The following SEMA4D variants were observed in gnomAD, a reference collection of about 807,000 sequenced individuals.
SEMA4D encodes the protein semaphorin-4D.
SEMA4D carries 22 observed loss-of-function variants against 74.8 expected under a neutral mutation model. That is an observed-to-expected ratio of 0.29 (90% confidence interval 0.21 to 0.42). The LOEUF is 0.42. Among genes scored for constraint, SEMA4D ranks in the 10% least tolerant of loss-of-function variants. SEMA4D has a pLI of 1.00. For synonymous variants in SEMA4D, 445 were observed against 463.7 expected, an observed-to-expected ratio of 0.96 and a Z score of 0.52; for missense variants, 937 against 1,118.4, an observed-to-expected ratio of 0.84 and a Z score of 2.31.
rs533365444 is a variant in SEMA4D at position 89,438,178 on chromosome 9, C to T, written c.-244+17710G>A. Among the ~76,000 whole-genome samples, 12 of 152,362 alleles carry T rather than the reference C, an allele frequency of 7.9e-5. No individual in the cohort carries two copies. The South Asian group carries it at 8.3e-4, about 11-fold the overall frequency. ...CACTGTAGAGAATACTCAAGCCAAG[C>T]GCCCTGCTTCTCTCCTGGGAGCCTT... On this transcript the variant is annotated intron_variant, in intron 2 of 15. Coordinates refer to ENST00000422704, the MANE Select transcript of SEMA4D (RefSeq NM_001371194.2).
intron 2 of SEMA4D, among the ~76,000 whole-genome samples, chr9:89,451,113 C>G (rs1854397131): frequency 6.6e-6 from 1 of 152,178 alleles, no homozygotes. Flanking sequence ...TAGCCACCAC[C>G]ACTGAAAACT....
chr9:89,385,386 G>C (rs186347884), intron 13 of SEMA4D: 1 of 985,322 alleles, frequency 1.0e-6, no homozygotes, highest in African/African-American at 1.7e-5. Context: ...GATGGCCCCA[G>C]AAGAGCTTCT....
intron 1 of SEMA4D, chr9:89,497,517 G>C (rs1288345972): frequency 6.6e-6 from 1 of 151,844 alleles, no homozygotes; most frequent in Admixed American, 6.6e-5. Context: ...GGGCCGGGGC[G>C]CGACGGGGCC....
Position 89,492,361 on chromosome 9 carries a change from G to A in SEMA4D, c.-310+5558C>T, listed in dbSNP as rs1340110808. ...GTTTCTTGTTCCAGGCTCAGTCCTC[G>A]GACCTCTTCTCTTTTCCATCTACCT... On this transcript the variant is annotated intron_variant, in intron 1 of 15. Transcript: ENST00000422704. The surrounding 1 kb of genome is among the most constrained non-coding windows in gnomAD (Gnocchi z 4.3). Among the ~76,000 whole-genome samples, 1 of 151,976 alleles carries A rather than the reference G, an allele frequency of 6.6e-6. No homozygotes were observed. The highest frequency in any genetic ancestry group is 1.5e-5 in the Non-Finnish European group (1 of 68,004).
At chr9:89,423,042 T>C (rs1847302172) in intron 2 of SEMA4D, among the ~76,000 whole-genome samples, 1 of 152,226 alleles carries the variant, frequency 6.6e-6, no homozygotes, top group Non-Finnish European at 1.5e-5. Context: ...CAGGTTTGCT[T>C]CCTTTAACTG....
At chr9:89,387,828 G>A (rs558313109) in intron 11 of SEMA4D, among the ~76,000 whole-genome samples, 3 of 152,338 alleles carry the variant, frequency 2.0e-5, no homozygotes, top group Admixed American at 2.0e-4. Flanking sequence ...AGACAGAATT[G>A]CATTCACGAT....
intron 2 of SEMA4D, among the ~76,000 whole-genome samples, chr9:89,443,689 G>A (rs1852187417): frequency 6.6e-6 from 1 of 152,202 alleles, no homozygotes; most frequent in African/African-American, 2.4e-5. Flanking sequence ...TCCTGGCTGT[G>A]AGTCCTGTAT....
At chr9:89,376,214 A>G (rs1317053751), downstream of SEMA4D, among the ~76,000 whole-genome samples, 5 of 152,238 alleles carry the variant, frequency 3.3e-5, no homozygotes, top group Non-Finnish European at 5.9e-5. Context: ...AATACCACGT[A>G]TATCAACCTC....
chr9:89,363,480 C>G (rs1166094518), exon 18 of SEMA4D: 5 of 1,613,960 alleles, frequency 3.1e-6, no homozygotes, highest in Non-Finnish European at 4.2e-6. Context: ...CCAGCCACAG[C>G]CCTCCAGGCA....
intron 2 of SEMA4D, among the ~76,000 whole-genome samples, chr9:89,453,463 C>T (rs78814120): frequency 0.01 from 1,531 of 152,360 alleles, 17 homozygotes; most frequent in Middle Eastern, 0.017. Context: ...TCTCTGAGGA[C>T]GCAGAGCCCT....
At chr9:89,450,411 G>T in intron 2 of SEMA4D, 1 of 1,269,348 alleles carries the variant, frequency 7.9e-7, no homozygotes, top group South Asian at 1.2e-5. Context: ...AGCATGTGAA[G>T]ATGAGAAGAA....
rs565177499 is a variant in SEMA4D, at chr9:89,428,770, C to T, written c.-243-23071G>A. On this transcript the variant is annotated intron_variant, in intron 2 of 15. Coordinates refer to ENST00000422704, the MANE Select transcript of SEMA4D (RefSeq NM_001371194.2). ...TCCAGGGGCAGGGTGACAGACATCC[C>T]CCAGAAGAGCAAAAAACCAGATCCC... Among the ~76,000 whole-genome samples, 3 of 152,362 alleles carry T rather than the reference C, an allele frequency of 2.0e-5. 1 individual carries two copies. In the South Asian group the frequency reaches 6.2e-4, roughly 32 times the overall value.
intron 16 of SEMA4D, among the ~76,000 whole-genome samples, chr9:89,371,291 GGTGT>G (rs1221689197): frequency 5.2e-5 from 7 of 134,376 alleles, no homozygotes; most frequent in African/African-American, 2.0e-4. Context: ...GGTGTGTGAC[GGTGT>G]GTGTGTCTGG....
intron 13 of SEMA4D, among the ~76,000 whole-genome samples, chr9:89,382,040 A>AG (rs374341736): frequency 6.6e-6 from 1 of 152,234 alleles, no homozygotes; most frequent in African/African-American, 2.4e-5. Context: ...CCCACAGCAG[A>AG]GGGCAGGTGA....
chr9:89,456,455 T>C (rs1042958790), intron 1 of SEMA4D, among the ~76,000 whole-genome samples: 1 of 152,194 alleles, frequency 6.6e-6, no homozygotes, highest in Non-Finnish European at 1.5e-5. Flanking sequence ...GTGCTAGCAT[T>C]CAATATTCCA....
chr9:89,452,111 C>A (rs1359059101), intron 2 of SEMA4D, among the ~76,000 whole-genome samples: 2 of 151,936 alleles, frequency 1.3e-5, no homozygotes, highest in Non-Finnish European at 1.5e-5. Context: ...CCCTTGGCCA[C>A]CGGCCCCTCC....
chr9:89,488,936 C>T (rs976213634), intron 1 of SEMA4D, among the ~76,000 whole-genome samples: 1 of 152,200 alleles, frequency 6.6e-6, no homozygotes. Context: ...AGAACACCTA[C>T]AACTCACATA....
At chr9:89,367,733 G>C (rs1281005793) in intron 16 of SEMA4D, 1 of 152,268 alleles carries the variant, frequency 6.6e-6, no homozygotes, top group East Asian at 1.9e-4. Flanking sequence ...TTCTCCTACA[G>C]CTAGGACTGT....
At chr9:89,418,150 A>G in intron 2 of SEMA4D, 1 of 967,754 alleles carries the variant, frequency 1.0e-6, no homozygotes, top group Non-Finnish European at 1.2e-6. Context: ...AGGCTATTTA[A>G]GCCCTTAAAC....
Sources: allele counts gnomAD v4.1 joint callset (sites outside exome capture counted in the v4.1 genomes callset), GRCh38; gene constraint gnomAD v4.1.1; non-coding constraint Gnocchi (gnomAD v3.1); transcripts MANE v1.5; gene names NCBI Gene and HGNC (gene_info 2026-07-23, HGNC 2026-07-21).